ARHGAP6: variants seen among roughly 807,000 people sequenced by gnomAD.
ARHGAP6 encodes the protein Rho GTPase activating protein 6.
In ARHGAP6, 16 loss-of-function variants were observed where a neutral mutation model predicts 55.7. That is an observed-to-expected ratio of 0.29 (90% CI 0.19 to 0.44). ARHGAP6 has a LOEUF of 0.44. ARHGAP6 is among the 20% of genes least tolerant of loss of function. The pLI, the probability that ARHGAP6 is intolerant of heterozygous loss-of-function variation, is 1.00. For missense variants in ARHGAP6, 698 were observed against 808.9 expected, an observed-to-expected ratio of 0.86 and a Z score of 1.66; for synonymous variants, 382 against 360.9, an observed-to-expected ratio of 1.06 and a Z score of -0.66.
intron 1 of ARHGAP6, among the ~76,000 whole-genome samples, chrX:11,408,891 TCACA>T (rs772967238): frequency 9.3e-6 from 1 of 107,273 alleles, no homozygotes; most frequent in Non-Finnish European, 1.9e-5. Flanking sequence ...AAATTGATCA[TCACA>T]CACACACACA....
intron 1 of ARHGAP6, among the ~76,000 whole-genome samples, chrX:11,285,590 G>T (rs185315218): frequency 8.9e-6 from 1 of 111,971 alleles, no homozygotes; most frequent in East Asian, 2.8e-4. Flanking sequence ...TCAAGGCTGC[G>T]CAGTCTAAGG....
At chrX:11,277,474 C>T (rs2047790022) in intron 1 of ARHGAP6, among the ~76,000 whole-genome samples, 1 of 111,329 alleles carries the variant, frequency 9.0e-6, no homozygotes, top group South Asian at 3.8e-4. Flanking sequence ...CTCCAAATAG[C>T]AAGATTCAAA....
intron 6 of ARHGAP6, among the ~76,000 whole-genome samples, chrX:11,179,683 G>GTATATATGTATACATATATAC (rs2046285962): frequency 9.6e-6 from 1 of 103,979 alleles, no homozygotes; most frequent in Admixed American, 1.1e-4. Context: ...GTATACACAT[G>GTATATATGTATACATATATAC]TATATATGTA....
At chrX:11,446,642 A>C (rs930736743) in intron 1 of ARHGAP6, among the ~76,000 whole-genome samples, 1 of 112,056 alleles carries the variant, frequency 8.9e-6, no homozygotes, top group Non-Finnish European at 1.9e-5. Context: ...CTGATGAAAA[A>C]AAATTAAAAA....
At chrX:11,659,370 G>T (rs901752789) in intron 1 of ARHGAP6, among the ~76,000 whole-genome samples, 17 of 110,781 alleles carry the variant, frequency 1.5e-4, no homozygotes, top group African/African-American at 5.6e-4. Flanking sequence ...CTCTACAGCA[G>T]AGTTTCTCAG....
At chrX:11,485,208 T>C (rs1217073313) in intron 1 of ARHGAP6, among the ~76,000 whole-genome samples, 1 of 112,588 alleles carries the variant, frequency 8.9e-6, no homozygotes, top group Non-Finnish European at 1.9e-5. Flanking sequence ...GTAGTTCTAA[T>C]GCATGACCAC....
chrX:11,360,956 G>A (rs1429724336), intron 1 of ARHGAP6, among the ~76,000 whole-genome samples: 1 of 110,813 alleles, frequency 9.0e-6, no homozygotes, highest in Non-Finnish European at 1.9e-5. Context: ...GGGACGTGGA[G>A]GACCTCTTCA....
chrX:11,649,290 C>A (rs2052560867), intron 1 of ARHGAP6, among the ~76,000 whole-genome samples: 1 of 111,836 alleles, frequency 8.9e-6, no homozygotes, highest in African/African-American at 3.3e-5. Context: ...CTGGAAGCAG[C>A]CAAGTGAGCG....
intron 2 of ARHGAP6, among the ~76,000 whole-genome samples, chrX:11,210,727 G>T (rs1379450406): frequency 8.9e-6 from 1 of 112,250 alleles, no homozygotes; most frequent in Non-Finnish European, 1.9e-5. Context: ...AGCAGTTATT[G>T]CGGAGTTTAT....
At chrX:11,593,666 G>T (rs183812718) in intron 1 of ARHGAP6, among the ~76,000 whole-genome samples, 7 of 112,065 alleles carry the variant, frequency 6.2e-5, no homozygotes, top group African/African-American at 2.3e-4. Context: ...GATAATGGGA[G>T]AAGCTGTTGC....
intron 1 of ARHGAP6, among the ~76,000 whole-genome samples, chrX:11,287,777 T>A (rs1019485139): frequency 8.9e-6 from 1 of 112,394 alleles, no homozygotes; most frequent in Non-Finnish European, 1.9e-5. Context: ...ATCCTTCACA[T>A]CTCCAAAGCC....
At chrX:11,615,815 T>A (rs1350769502) in intron 1 of ARHGAP6, among the ~76,000 whole-genome samples, 2 of 112,341 alleles carry the variant, frequency 1.8e-5, no homozygotes, top group Non-Finnish European at 3.8e-5. Context: ...ACACTGTCTC[T>A]TTTGAGGCTC....
At chrX:11,370,201 C>A (rs1009237526) in intron 1 of ARHGAP6, among the ~76,000 whole-genome samples, 3 of 112,367 alleles carry the variant, frequency 2.7e-5, no homozygotes, top group Admixed American at 1.9e-4. Flanking sequence ...TTGTTTTAAA[C>A]TTTGCCTTCT....
At chrX:11,595,257 T>G (rs1383905747) in intron 1 of ARHGAP6, among the ~76,000 whole-genome samples, 1 of 102,212 alleles carries the variant, frequency 9.8e-6, no homozygotes, top group South Asian at 4.5e-4. Flanking sequence ...GCCATTGCAC[T>G]CCAGCCTGGG....
intron 2 of ARHGAP6, among the ~76,000 whole-genome samples, chrX:11,243,525 A>G (rs1224002163): frequency 8.9e-6 from 1 of 112,492 alleles, no homozygotes; most frequent in Non-Finnish European, 1.9e-5. Flanking sequence ...CATTTAATGC[A>G]TAACTCATGT....
At chrX:11,276,413 A>G (rs369345933) in intron 1 of ARHGAP6, among the ~76,000 whole-genome samples, 4 of 112,404 alleles carry the variant, frequency 3.6e-5, no homozygotes, top group East Asian at 5.6e-4. Context: ...TTCTGTCTAT[A>G]CAGAAAATCA....
intron 1 of ARHGAP6, among the ~76,000 whole-genome samples, chrX:11,600,145 T>G (rs1026413417): frequency 1.8e-5 from 2 of 111,691 alleles, no homozygotes; most frequent in Admixed American, 9.6e-5. Context: ...TTGACCAGAA[T>G]ACAGGCACAG....
chrX:11,601,038 G>A (rs920243576), intron 1 of ARHGAP6, among the ~76,000 whole-genome samples: 1 of 112,374 alleles, frequency 8.9e-6, no homozygotes, highest in African/African-American at 3.2e-5. Flanking sequence ...AGCATCCACA[G>A]AGGCATGTCC....
At chrX:11,360,020 T>A (rs1462438737) in intron 1 of ARHGAP6, among the ~76,000 whole-genome samples, 1 of 111,428 alleles carries the variant, frequency 9.0e-6, no homozygotes. Context: ...ATCAATAGCT[T>A]ACCAACCAAA....
Sources: gnomAD v4.1 joint callset for allele counts (sites outside exome capture counted in the v4.1 genomes callset) on GRCh38, gnomAD v4.1.1 for gene constraint, MANE v1.5 for transcripts, NCBI Gene and HGNC (gene_info 2026-07-23, HGNC 2026-07-21) for gene names.